GALNT13: variants seen among roughly 807,000 people sequenced by gnomAD.
GALNT13 encodes UDP-GalNAc:polypeptide N-acetylgalactosaminyltransferase 13.
GALNT13 carries 28 observed loss-of-function variants against 64.2 expected under a neutral mutation model. That is an observed-to-expected ratio of 0.44 (90% CI 0.32 to 0.60). The LOEUF (loss-of-function observed/expected upper bound fraction) is 0.60. Ranked by LOEUF, GALNT13 falls within the 20% of genes least tolerant of loss-of-function variation. The pLI is 0.05. For synonymous variants in GALNT13, 214 were observed against 224.6 expected, an observed-to-expected ratio of 0.95 and a Z score of 0.42; for missense variants, 577 against 669.8, an observed-to-expected ratio of 0.86 and a Z score of 1.53.
intron 3 of GALNT13, among the ~76,000 whole-genome samples, chr2:153,999,551 T>C (rs1695757578): frequency 6.6e-6 from 1 of 152,118 alleles, no homozygotes; most frequent in Admixed American, 6.6e-5. Context: ...TGTTTGATTT[T>C]TCTGAATGTA....
the GALNT13 span, among the ~76,000 whole-genome samples, chr2:153,436,110 G>A: frequency 6.6e-6 from 1 of 152,170 alleles, no homozygotes; most frequent in Non-Finnish European, 1.5e-5. Context: ...GTTTGGTTCT[G>A]TTTATATGCT....
chr2:154,075,510 A>G (rs189285368), intron 3 of GALNT13, among the ~76,000 whole-genome samples: 143 of 152,008 alleles, frequency 9.4e-4, no homozygotes, highest in African/African-American at 3.3e-3. Context: ...ATTTAACTGT[A>G]TGGCTATACC....
chr2:153,794,545 G>T, the GALNT13 span, among the ~76,000 whole-genome samples: 1 of 149,494 alleles, frequency 6.7e-6, no homozygotes, highest in Admixed American at 6.6e-5. Context: ...TTTTGAGATG[G>T]AGTCTTGCTC....
the GALNT13 span, among the ~76,000 whole-genome samples, chr2:153,840,371 A>T: frequency 6.6e-6 from 1 of 152,122 alleles, no homozygotes; most frequent in Non-Finnish European, 1.5e-5. Flanking sequence ...GGCAAGCATG[A>T]TAGACTTTAT....
the GALNT13 span, among the ~76,000 whole-genome samples, chr2:153,380,443 T>C: frequency 1.3e-5 from 2 of 151,984 alleles, no homozygotes; most frequent in African/African-American, 4.8e-5. Flanking sequence ...CTGCCCTCCA[T>C]CCTGGGCAAC....
intron 2 of GALNT13, among the ~76,000 whole-genome samples, chr2:153,922,894 T>C (rs558008243): frequency 6.6e-6 from 1 of 151,988 alleles, no homozygotes; most frequent in East Asian, 1.9e-4. Flanking sequence ...TTTTTTATTT[T>C]AATTTTTAAA....
intron 3 of GALNT13, among the ~76,000 whole-genome samples, chr2:154,084,940 C>T (rs1461189762): frequency 6.6e-6 from 1 of 151,844 alleles, no homozygotes; most frequent in Non-Finnish European, 1.5e-5. Context: ...CTCAGTAAGG[C>T]AATTTAATTG....
the GALNT13 span, chr2:153,423,346 G>C: frequency 6.6e-6 from 1 of 151,586 alleles, no homozygotes; most frequent in East Asian, 1.9e-4. Context: ...TAACAAATAG[G>C]AGTAAGGGAC....
intron 3 of GALNT13, among the ~76,000 whole-genome samples, chr2:154,134,980 C>T (rs773728714): frequency 8.6e-5 from 13 of 151,976 alleles, no homozygotes; most frequent in Non-Finnish European, 1.6e-4. Flanking sequence ...AGGGAGACTC[C>T]GTCTCAAAAA....
intron 1 of GALNT13, among the ~76,000 whole-genome samples, chr2:153,896,800 T>C (rs1382612744): frequency 6.6e-6 from 1 of 152,152 alleles, no homozygotes; most frequent in East Asian, 1.9e-4. Context: ...TTTCTCGATA[T>C]ATGTTTGAAT....
intron 12 of GALNT13, among the ~76,000 whole-genome samples, chr2:154,445,343 C>T (rs1701513175): frequency 6.6e-6 from 1 of 151,302 alleles, no homozygotes; most frequent in Non-Finnish European, 1.5e-5. Flanking sequence ...TGTTTTATGT[C>T]ATAAAAATAA....
chr2:153,189,605 G>A, the GALNT13 span, among the ~76,000 whole-genome samples: 2 of 152,014 alleles, frequency 1.3e-5, no homozygotes, highest in African/African-American at 4.8e-5. Context: ...CTTTCCTTTG[G>A]ATAAATACCT....
chr2:153,823,808 A>C, the GALNT13 span, among the ~76,000 whole-genome samples: 1 of 152,164 alleles, frequency 6.6e-6, no homozygotes. Flanking sequence ...CAACCAAATA[A>C]ATCATCAACA....
chr2:153,668,439 T>G, the GALNT13 span, among the ~76,000 whole-genome samples: 1 of 151,962 alleles, frequency 6.6e-6, no homozygotes, highest in Non-Finnish European at 1.5e-5. Context: ...GAGAAATCAA[T>G]ACCAAGAAAA....
chr2:153,698,514 A>G, the GALNT13 span, among the ~76,000 whole-genome samples: 1 of 152,214 alleles, frequency 6.6e-6, no homozygotes, highest in African/African-American at 2.4e-5. Flanking sequence ...ACATAATGGT[A>G]AAGGGATCAA....
chr2:153,172,566 T>G, the GALNT13 span, among the ~76,000 whole-genome samples: 6 of 152,004 alleles, frequency 3.9e-5, no homozygotes, highest in South Asian at 2.1e-4. Context: ...GGAGAACAGG[T>G]CATGAGCTAG....
chr2:154,343,165 C>T (rs1454034201), intron 9 of GALNT13, among the ~76,000 whole-genome samples: 2 of 151,982 alleles, frequency 1.3e-5, no homozygotes, highest in East Asian at 1.9e-4. Flanking sequence ...CATCAGCTCT[C>T]GTTCCAGCCA....
the GALNT13 span, among the ~76,000 whole-genome samples, chr2:153,484,909 C>CTT: frequency 1.3e-5 from 2 of 152,316 alleles, no homozygotes; most frequent in East Asian, 3.9e-4. Flanking sequence ...CTTCCTGGGT[C>CTT]TATCTACTGA....
At chr2:153,382,180 T>G in the GALNT13 span, among the ~76,000 whole-genome samples, 1 of 152,112 alleles carries the variant, frequency 6.6e-6, no homozygotes, top group Non-Finnish European at 1.5e-5. Context: ...CTTTATGTTA[T>G]CTATCTGCTT....
Sources: allele counts gnomAD v4.1 joint callset (sites outside exome capture counted in the v4.1 genomes callset), GRCh38; gene constraint gnomAD v4.1.1; transcripts MANE v1.5; gene names NCBI Gene and HGNC (gene_info 2026-07-23, HGNC 2026-07-21).